The following DNAH10 variants were observed in gnomAD, a reference collection of about 807,000 sequenced individuals.
DNAH10 encodes axonemal beta dynein heavy chain 10.
Under a neutral mutation model 506.6 loss-of-function variants are expected in DNAH10, and 348 were observed. The ratio of observed to expected loss-of-function variants is 0.69; its 90% CI spans 0.63 to 0.75. DNAH10 has a LOEUF of 0.75. DNAH10 is among the 30% of genes least tolerant of loss of function. DNAH10 has a pLI of 0.00. For missense variants in DNAH10, 5,179 were observed against 5,787.1 expected (o/e 0.89, Z 3.41); for synonymous variants, 2,059 against 2,198.6 (o/e 0.94, Z 1.78).
rs370305521 is a variant in DNAH10, at chr12:123,851,077, G to T, written c.6291+1G>T. On this transcript the variant is annotated splice_donor_variant, in intron 35 of 78. Coordinates refer to ENST00000673944, the MANE Select transcript of DNAH10 (RefSeq NM_001372106.1). LOFTEE classifies it high-confidence loss of function. ...CTCTGAGGGCTTCCTGGAGGCCAAG[G>T]TGGGGGGCCTTGGCAGCGCCAGGTC... The T allele has an allele frequency of 1.9e-6, 3 of 1,596,272 alleles. No individual in the cohort carries two copies. The Admixed American group carries it at 5.1e-5, about 27-fold the overall frequency.
intron 39 of DNAH10, among the ~76,000 whole-genome samples, chr12:123,861,809 A>G (rs1313773762): frequency 2.6e-5 from 4 of 152,272 alleles, no homozygotes; most frequent in African/African-American, 9.6e-5. Context: ...TAAAATCCTT[A>G]AATAACAAGA....
chr12:123,900,378 C>T lies in DNAH10; in HGVS notation c.9640+1564C>T, dbSNP rs79298571. Among the ~76,000 whole-genome samples, 816 of 152,276 alleles carry T rather than the reference C, an allele frequency of 5.4e-3. 3 individuals are homozygous for T. Among genetic ancestry groups the T allele is most frequent in the African/African-American group, 0.018 (754 of 41,540 alleles). The stretch of plus-strand genomic sequence containing the variant: ...CTGACTTCAGCTTCATGGCAGCCAC[C>T]GTGGTAGGGAGAGTGGGGGCTAGAA... On this transcript the variant is annotated intron_variant, in intron 56 of 78. Transcript: ENST00000673944.
At chr12:123,825,460 G>A (rs895032762) in intron 24 of DNAH10, among the ~76,000 whole-genome samples, 30 of 152,248 alleles carry the variant, frequency 2.0e-4, no homozygotes, top group African/African-American at 7.0e-4. Flanking sequence ...GCAAGGTAGA[G>A]GATTGAACCA....
chr12:123,901,794 G>A (rs935290147), intron 56 of DNAH10, among the ~76,000 whole-genome samples: 8 of 152,102 alleles, frequency 5.3e-5, no homozygotes, highest in African/African-American at 1.7e-4. Context: ...CTGAGTAGCT[G>A]GGATTACAGG....
chr12:123,867,415 C>A (rs1951853830), intron 41 of DNAH10, 52 bp from the exon 42 acceptor site: 1 of 1,567,448 alleles, frequency 6.4e-7, no homozygotes, highest in African/African-American at 1.4e-5. Flanking sequence ...CCACTAACTT[C>A]CATTTAAATA....
At position 123,909,072 on chromosome 12, in the gene DNAH10, C is replaced by T. The variant is rs536142870; in HGVS notation, c.9816-189C>T. Among the ~76,000 whole-genome samples, 16 of 152,298 alleles carry T rather than the reference C, an allele frequency of 1.1e-4. No individual in the cohort carries two copies. The highest frequency in any genetic ancestry group is 1.0e-3 in the South Asian group (5 of 4,814). ...TGGTCTGGAACCTGAGAGGGGGACC[C>T]GGCCCTGCCCTTAGGGACGCTCCCG... On this transcript the variant is annotated intron_variant, in intron 57 of 78. Transcript: ENST00000673944. This position sits in a 1 kb window ranked among gnomAD's most constrained non-coding sequence, Gnocchi z 5.4.
rs373320473 is a variant in DNAH10, at chr12:123,859,188, C to G, written c.6669C>G (p.Thr2223=). The G allele has an allele frequency of 8.5e-5, 137 of 1,611,782 alleles. No individual in the cohort carries two copies. In the African/African-American group the frequency reaches 1.8e-3, roughly 21 times the overall value. ...TTCAAATGTTCGAGACCATGTTAAC[C>G]CGCCACACGACGATGGTGGTGGGGC... ...KVVQMFETML[T]RHTTMVVGPT... Residue 2223 remains threonine (T), a synonymous_variant, in exon 38 of 79, where the codon ACC becomes ACG. Transcript: ENST00000673944.
intron 72 of DNAH10, chr12:123,930,044 C>CCCCG (rs1449073285): frequency 7.2e-6 from 4 of 551,826 alleles, no homozygotes; most frequent in Non-Finnish European, 9.6e-6. Context: ...CAGGAAGCAT[C>CCCCG]CCCGGTGGTC....
At position 123,765,082 on chromosome 12, in the gene DNAH10, T is replaced by C. The variant is rs145980168; in HGVS notation, c.215-2524T>C. ...AGCGTGTCCTTTGTTTCCTTTTTTT[T>C]CCTCTTTCTGCCCCCCTTCCCCGGT... On this transcript the variant is annotated intron_variant, in intron 1 of 78. Coordinates refer to ENST00000673944, the MANE Select transcript of DNAH10 (RefSeq NM_001372106.1). 3.9e-5 allele frequency among the ~76,000 whole-genome samples: 6 copies of C among 152,118 alleles called. No homozygotes were observed. The East Asian group carries it at 5.8e-4, about 15-fold the overall frequency.
At chr12:123,876,797 A>T (rs1363505659) in intron 47 of DNAH10, among the ~76,000 whole-genome samples, 1 of 152,080 alleles carries the variant, frequency 6.6e-6, no homozygotes, top group Non-Finnish European at 1.5e-5. Context: ...CCCTGTCTCT[A>T]CAAAAAATAT....
chr12:123,879,209 C>T, intron 48 of DNAH10, 55 bp from the exon 49 acceptor site: 1 of 1,473,536 alleles, frequency 6.8e-7, no homozygotes, highest in South Asian at 1.2e-5. Flanking sequence ...CAGCCGTCAG[C>T]CCTGGTATCC....
At chr12:123,825,796 CTTA>C (rs1959921460) in intron 24 of DNAH10, among the ~76,000 whole-genome samples, 1 of 152,106 alleles carries the variant, frequency 6.6e-6, no homozygotes. Flanking sequence ...TTATGGACAG[CTTA>C]TTATATACCA....
chr12:123,830,823 CTCCCAGCTTCTTGGGAG>C, intron 26 of DNAH10, 124 bp downstream of exon 26: 1 of 1,016,272 alleles, frequency 9.8e-7, no homozygotes, highest in Non-Finnish European at 1.3e-6. Context: ...TATGCCATTA[CTCCCAGCTTCTTGGGAG>C]GCTGAGGTGG....
intron 7 of DNAH10, 147 bp from the exon 8 acceptor site, chr12:123,783,800 T>C (rs1957750645): frequency 3.0e-6 from 2 of 672,236 alleles, no homozygotes; most frequent in Non-Finnish European, 5.1e-6. Flanking sequence ...TCACTATGAT[T>C]GGACCACCCA....
At chr12:123,835,209 T>C (rs888448716) in intron 27 of DNAH10, among the ~76,000 whole-genome samples, 197 bp from the exon 28 acceptor site, 7 of 152,214 alleles carry the variant, frequency 4.6e-5, no homozygotes, top group African/African-American at 1.4e-4. Flanking sequence ...TGGCCGTTAG[T>C]TATGCTTTCC....
intron 57 of DNAH10, chr12:123,908,464 C>G (rs1465476775): frequency 4.4e-6 from 2 of 456,282 alleles, no homozygotes; most frequent in East Asian, 1.4e-4. Context: ...TTTGCCTTGT[C>G]TGTGCTGTTC....
At chr12:123,861,869 C>T (rs1230679463) in intron 39 of DNAH10, among the ~76,000 whole-genome samples, 1 of 152,172 alleles carries the variant, frequency 6.6e-6, no homozygotes, top group Non-Finnish European at 1.5e-5. Flanking sequence ...AGCGCTTTTC[C>T]CCTGATTCTG....
At position 123,790,085 on chromosome 12, in the gene DNAH10, G is replaced by C. The variant is rs777055266; in HGVS notation, c.1779G>C (p.Trp593Cys). 1.2e-6 allele frequency: 2 copies of C among 1,614,138 alleles called. No individual in the cohort carries two copies. Among genetic ancestry groups the C allele is most frequent in the Non-Finnish European group, 1.7e-6 (2 of 1,180,036 alleles). The change falls in exon 11 of 79, where the codon TGG becomes TGC. Residue 593 changes from tryptophan to cysteine, a missense_variant. Transcript: ENST00000673944. ...TCAGCATCAAGTCCTCCCAGTTCTG[G>C]AAATATGTGATGGATGAATTCAAGA... ...DPFSIKSSQF[W>C]KYVMDEFKIE...
intron 51 of DNAH10, among the ~76,000 whole-genome samples, chr12:123,885,690 A>G (rs939232625): frequency 1.3e-5 from 2 of 152,306 alleles, no homozygotes; most frequent in East Asian, 3.9e-4. Flanking sequence ...CAATCACCCC[A>G]CCACAAAGGA....
Sources: gnomAD v4.1 joint callset for allele counts (sites outside exome capture counted in the v4.1 genomes callset) on GRCh38, gnomAD v4.1.1 for gene constraint, Gnocchi (gnomAD v3.1) non-coding constraint, MANE v1.5 for transcripts, NCBI Gene and HGNC (gene_info 2026-07-23, HGNC 2026-07-21) for gene names.